Variants in RNF150 observed in about 807,000 individuals in gnomAD.
RNF150 encodes ring finger protein 150.
Under a neutral mutation model 39.3 loss-of-function variants are expected in RNF150, and 24 were observed. That is an observed-to-expected ratio of 0.61 (90% confidence interval 0.44 to 0.86). The LOEUF is 0.86. RNF150 is among the 40% of genes least tolerant of loss of function. The probability of loss-of-function intolerance (pLI) is 0.00; values close to 1 mark genes in which losing one functional copy is unlikely to be tolerated. For missense variants in RNF150, 502 were observed against 587.8 expected (o/e 0.85, Z 1.51); for synonymous variants, 255 against 227.3 (o/e 1.12, Z -1.10).
chr4:141,039,334 G>A (rs994918110), intron 1 of RNF150, among the ~76,000 whole-genome samples: 12 of 151,340 alleles, frequency 7.9e-5, no homozygotes, highest in African/African-American at 2.4e-4. Flanking sequence ...AAACTAAGAG[G>A]AGAAGGTGGT....
chr4:141,040,828 C>T lies in RNF150; in HGVS notation c.485-72955G>A, dbSNP rs1436440125. The stretch of plus-strand genomic sequence containing the variant: ...AACATAATATGCACATTTATATATG[C>T]AGCATTAATTTTAAAATGTCTATAG... On this transcript the variant is annotated intron_variant, in intron 1 of 6. Transcript: ENST00000515673. Among the ~76,000 whole-genome samples, 3 of 152,058 alleles carry T rather than the reference C, an allele frequency of 2.0e-5. No individual in the cohort carries two copies. The East Asian group carries it at 5.8e-4, about 29-fold the overall frequency.
At chr4:141,021,624 T>C (rs1480773228) in intron 1 of RNF150, among the ~76,000 whole-genome samples, 2 of 152,168 alleles carry the variant, frequency 1.3e-5, no homozygotes, top group African/African-American at 4.8e-5. Flanking sequence ...AACATATGGA[T>C]TGAATCAGGA....
At chr4:140,997,703 T>TAC (rs1268369839) in intron 1 of RNF150, among the ~76,000 whole-genome samples, 4 of 146,986 alleles carry the variant, frequency 2.7e-5, no homozygotes, top group African/African-American at 1.0e-4. Flanking sequence ...TGTGTATATA[T>TAC]ACACACACAT....
chr4:141,050,998 G>C (rs1736756528), intron 1 of RNF150, among the ~76,000 whole-genome samples: 1 of 152,152 alleles, frequency 6.6e-6, no homozygotes, highest in Non-Finnish European at 1.5e-5. Flanking sequence ...GCATCCAGGT[G>C]TTTCCATACC....
intron 1 of RNF150, among the ~76,000 whole-genome samples, chr4:141,055,314 C>T (rs141651405): frequency 2.6e-5 from 4 of 152,234 alleles, no homozygotes; most frequent in African/African-American, 9.6e-5. Flanking sequence ...CACAGTGGAT[C>T]CTTTCATTGC....
chr4:141,090,371 T>A (rs72933038), intron 1 of RNF150, among the ~76,000 whole-genome samples: 16,951 of 152,120 alleles, frequency 0.11, 1,166 homozygotes, highest in East Asian at 0.24. Context: ...GATAACTAAA[T>A]CAGGATATAA....
intron 1 of RNF150, among the ~76,000 whole-genome samples, chr4:141,203,373 A>G (rs1439736888): frequency 6.6e-6 from 1 of 150,912 alleles, no homozygotes; most frequent in African/African-American, 2.4e-5. Flanking sequence ...TGATATATAT[A>G]TCTTGGAGAT....
intron 1 of RNF150, among the ~76,000 whole-genome samples, chr4:141,028,032 G>A (rs1441793158): frequency 1.4e-5 from 2 of 140,122 alleles, no homozygotes; most frequent in Non-Finnish European, 3.0e-5. Context: ...GCAGATGATG[G>A]ACTTCAGGGC....
At chr4:141,101,008 T>C (rs1271273697) in intron 1 of RNF150, among the ~76,000 whole-genome samples, 4 of 152,086 alleles carry the variant, frequency 2.6e-5, no homozygotes, top group African/African-American at 9.7e-5. Context: ...TTTGAGTGAG[T>C]GGTGGGTGAA....
chr4:140,973,028 A>C (rs1338255690), intron 1 of RNF150, among the ~76,000 whole-genome samples: 8 of 152,160 alleles, frequency 5.3e-5, no homozygotes, highest in Admixed American at 3.9e-4. Context: ...GTATCACATG[A>C]CCATGTATAA....
intron 1 of RNF150, among the ~76,000 whole-genome samples, chr4:141,181,485 A>C (rs1727908577): frequency 6.6e-6 from 1 of 152,204 alleles, no homozygotes; most frequent in Non-Finnish European, 1.5e-5. Context: ...AAATTCATTT[A>C]TTTGATAGCC....
At chr4:141,171,484 G>C (rs1298758272) in intron 1 of RNF150, among the ~76,000 whole-genome samples, 2 of 152,022 alleles carry the variant, frequency 1.3e-5, no homozygotes, top group African/African-American at 4.8e-5. Flanking sequence ...GAGAGAGAGA[G>C]AGAGAGAGAA....
chr4:141,149,709 G>A (rs1370598432), intron 1 of RNF150, among the ~76,000 whole-genome samples: 1 of 152,182 alleles, frequency 6.6e-6, no homozygotes, highest in East Asian at 1.9e-4. Flanking sequence ...ACGTGTGCAA[G>A]TATCTTTTTC....
rs1222666228 is a variant in RNF150, at chr4:140,863,162, G to C, written c.*5099C>G. ...GTTAGGAAGAATGGGCATTCCATCAGGTACAGTATACAAGTTTTTCCAAGA... is the reference window on the plus strand; with the variant it reads ...GTTAGGAAGAATGGGCATTCCATCACGTACAGTATACAAGTTTTTCCAAGA... On this transcript the variant is annotated 3_prime_UTR_variant, in exon 7 of 7. Transcript: ENST00000515673. 6.6e-6 allele frequency: 1 copy of C among 152,154 alleles called. No homozygotes were observed. Among genetic ancestry groups the C allele is most frequent in the Non-Finnish European group, 1.5e-5 (1 of 68,054 alleles). The allele number at this position is 152,154 out of a possible 1,614,324, so 9.4% of individuals were successfully genotyped here.
intron 4 of RNF150, among the ~76,000 whole-genome samples, chr4:140,931,653 A>C (rs1442520312): frequency 6.6e-6 from 1 of 152,256 alleles, no homozygotes; most frequent in Non-Finnish European, 1.5e-5. Context: ...CACACACGGA[A>C]GACAAGATAA....
chr4:140,929,926 G>T (rs1055125340), intron 4 of RNF150, among the ~76,000 whole-genome samples: 4 of 152,200 alleles, frequency 2.6e-5, no homozygotes, highest in African/African-American at 9.6e-5. Flanking sequence ...GGCCAAGGCA[G>T]GCGGCAGGCA....
At chr4:141,001,669 C>T (rs898591631) in intron 1 of RNF150, among the ~76,000 whole-genome samples, 1 of 151,856 alleles carries the variant, frequency 6.6e-6, no homozygotes, top group Non-Finnish European at 1.5e-5. Context: ...ACATCTAAGA[C>T]AAACCATGCT....
At chr4:141,183,010 C>T (rs888790622) in intron 1 of RNF150, among the ~76,000 whole-genome samples, 1 of 152,180 alleles carries the variant, frequency 6.6e-6, no homozygotes, top group African/African-American at 2.4e-5. Flanking sequence ...TTGGGCTTCT[C>T]AAGCACTTAG....
At chr4:141,046,237 CT>C (rs1411779593) in intron 1 of RNF150, among the ~76,000 whole-genome samples, 1 of 152,140 alleles carries the variant, frequency 6.6e-6, no homozygotes, top group Non-Finnish European at 1.5e-5. Context: ...TCTCCATGAC[CT>C]TAGATGGGGG....
Sources: gnomAD v4.1 joint callset for allele counts (sites outside exome capture counted in the v4.1 genomes callset) on GRCh38, gnomAD v4.1.1 for gene constraint, MANE v1.5 for transcripts, NCBI Gene and HGNC (gene_info 2026-07-23, HGNC 2026-07-21) for gene names.